The following PCDH11X variants were observed in gnomAD, a reference collection of about 807,000 sequenced individuals.
PCDH11X encodes protocadherin 11 X-linked.
A neutral mutation model predicts 53.3 loss-of-function variants in PCDH11X; 18 were observed. The ratio of observed to expected loss-of-function variants is 0.34; its 90% confidence interval spans 0.23 to 0.50. The LOEUF is 0.50. Among genes scored for constraint, PCDH11X ranks in the 20% least tolerant of loss-of-function variants. PCDH11X has a pLI of 0.98. For synonymous variants in PCDH11X, 279 were observed against 393.3 expected, an observed-to-expected ratio of 0.71 and a Z score of 3.44; for missense variants, 570 against 1,032.4, an observed-to-expected ratio of 0.55 and a Z score of 6.14.
chrX:92,128,733 T>A (rs1167214281), intron 6 of PCDH11X, among the ~76,000 whole-genome samples: 3 of 110,188 alleles, frequency 2.7e-5, no homozygotes, highest in Non-Finnish European at 5.7e-5. Flanking sequence ...TCCTGTTTAA[T>A]CAGAAAATAA....
intron 7 of PCDH11X, among the ~76,000 whole-genome samples, chrX:92,237,743 G>C (rs1311292512): frequency 9.0e-6 from 1 of 111,286 alleles, no homozygotes; most frequent in Non-Finnish European, 1.9e-5. Flanking sequence ...TTCAGTTCTA[G>C]TTTTGTTGTG....
chrX:92,476,238 C>A (rs1238852052), intron 10 of PCDH11X, among the ~76,000 whole-genome samples: 1 of 111,708 alleles, frequency 9.0e-6, no homozygotes, highest in Non-Finnish European at 1.9e-5. Flanking sequence ...CCTCCCCAAC[C>A]ACGTGGAACT....
chrX:91,829,432 A>ACC (rs1223126446), intron 4 of PCDH11X, among the ~76,000 whole-genome samples: 1 of 90,966 alleles, frequency 1.1e-5, no homozygotes, highest in Non-Finnish European at 2.1e-5. Flanking sequence ...ACACACACAC[A>ACC]CACACACACA....
At chrX:92,119,475 C>T (rs995649621) in intron 6 of PCDH11X, among the ~76,000 whole-genome samples, 1 of 110,649 alleles carries the variant, frequency 9.0e-6, no homozygotes, top group Non-Finnish European at 1.9e-5. Context: ...CAACAAATTA[C>T]CCATGTCACA....
chrX:91,954,127 C>T (rs996061625), intron 6 of PCDH11X, among the ~76,000 whole-genome samples: 3 of 109,656 alleles, frequency 2.7e-5, no homozygotes, highest in African/African-American at 6.6e-5. Flanking sequence ...TTCCCCCTAC[C>T]ACGACAGGCC....
chrX:92,030,581 T>C (rs1176400560), intron 6 of PCDH11X, among the ~76,000 whole-genome samples: 4 of 108,927 alleles, frequency 3.7e-5, no homozygotes, highest in African/African-American at 6.7e-5. Flanking sequence ...TACTAGGTCT[T>C]ATTCATTCTT....
chrX:92,501,329 A>G (rs2148695688), intron 10 of PCDH11X, among the ~76,000 whole-genome samples: 1 of 111,836 alleles, frequency 8.9e-6, no homozygotes, highest in African/African-American at 3.2e-5. Flanking sequence ...TCCTACTAAA[A>G]CTATTCCGAA....
chrX:92,305,848 A>G (rs2068816932), intron 8 of PCDH11X, among the ~76,000 whole-genome samples: 1 of 109,128 alleles, frequency 9.2e-6, no homozygotes, highest in Non-Finnish European at 1.9e-5. Context: ...ATCCAGAGCA[A>G]AATTTAACTA....
intron 10 of PCDH11X, among the ~76,000 whole-genome samples, chrX:92,571,504 T>C (rs927678894): frequency 1.9e-4 from 21 of 108,465 alleles, no homozygotes; most frequent in Admixed American, 2.0e-4. Context: ...TAAGATGTAA[T>C]AAAAGTGTGT....
chrX:91,782,862 T>A (rs1310739948), intron 1 of PCDH11X, among the ~76,000 whole-genome samples: 1 of 111,704 alleles, frequency 9.0e-6, no homozygotes, highest in Non-Finnish European at 1.9e-5. Flanking sequence ...TTGAGGCTAA[T>A]CTGTTTTCCT....
intron 9 of PCDH11X, among the ~76,000 whole-genome samples, chrX:92,453,713 G>T (rs975129071): frequency 9.0e-6 from 1 of 110,855 alleles, no homozygotes; most frequent in East Asian, 2.8e-4. Flanking sequence ...GAAAACCAAA[G>T]AAGGTATTTC....
chrX:92,253,662 G>A (rs990051886), intron 7 of PCDH11X, among the ~76,000 whole-genome samples: 11 of 111,533 alleles, frequency 9.9e-5, no homozygotes, highest in African/African-American at 3.6e-4. Flanking sequence ...CACTTCTTCA[G>A]TTAAGTTAAT....
chrX:92,016,869 A>C lies in PCDH11X; in HGVS notation c.3033+137596A>C, dbSNP rs371955853. Among the ~76,000 whole-genome samples the C allele has an allele frequency of 6.5e-4, 72 of 109,977 alleles. No homozygotes were observed. The East Asian group carries it at 0.01, about 16-fold the overall frequency. Reference sequence around the variant, plus strand: ...GCACAAGAAGCCTAGTTTTCTGCCTATCTTGGCTTTTGGTATGCTTTCCTC... The same window carrying C: ...GCACAAGAAGCCTAGTTTTCTGCCTCTCTTGGCTTTTGGTATGCTTTCCTC... On this transcript the variant is annotated intron_variant, in intron 6 of 10. Coordinates refer to ENST00000682573, the MANE Select transcript of PCDH11X (RefSeq NM_032968.5).
chrX:92,476,166 C>T (rs1374225494), intron 10 of PCDH11X, among the ~76,000 whole-genome samples: 1 of 102,826 alleles, frequency 9.7e-6, no homozygotes, highest in Non-Finnish European at 2.1e-5. Context: ...CAAGCTCTCT[C>T]TTTCCTGCTG....
At chrX:92,197,497 G>T (rs2066311238) in intron 6 of PCDH11X, among the ~76,000 whole-genome samples, 1 of 111,864 alleles carries the variant, frequency 8.9e-6, no homozygotes, top group Non-Finnish European at 1.9e-5. Flanking sequence ...TAGTTTTGAT[G>T]AATGTTATTT....
chrX:92,271,634 G>A (rs2067961847), intron 8 of PCDH11X, among the ~76,000 whole-genome samples: 1 of 111,904 alleles, frequency 8.9e-6, no homozygotes, highest in Non-Finnish European at 1.9e-5. Context: ...TCCTGTCATA[G>A]ATGAAGTGTG....
chrX:92,250,612 A>T (rs187276907), intron 7 of PCDH11X, among the ~76,000 whole-genome samples: 1,676 of 74,925 alleles, frequency 0.022, 29 homozygotes, highest in African/African-American at 0.063. Context: ...TATATATATA[A>T]AATAATATGT....
intron 6 of PCDH11X, among the ~76,000 whole-genome samples, chrX:91,932,115 A>G (rs1397105133): frequency 1.8e-5 from 2 of 110,590 alleles, no homozygotes. Context: ...TTTGCGGAGG[A>G]TAACGGCTTC....
intron 5 of PCDH11X, among the ~76,000 whole-genome samples, chrX:91,868,463 A>G (rs1422233073): frequency 8.9e-6 from 1 of 111,777 alleles, no homozygotes; most frequent in Admixed American, 9.5e-5. Context: ...TGATGATAGT[A>G]GATCCAAAAG....
Sources: gnomAD v4.1 joint callset for allele counts (sites outside exome capture counted in the v4.1 genomes callset) on GRCh38, gnomAD v4.1.1 for gene constraint, MANE v1.5 for transcripts, NCBI Gene and HGNC (gene_info 2026-07-23, HGNC 2026-07-21) for gene names.